The following ITPR1 variants were observed in gnomAD, a reference collection of about 807,000 sequenced individuals.
ITPR1 encodes the protein inositol 1,4,5-trisphosphate-gated calcium channel ITPR1.
Under a neutral mutation model 318.4 loss-of-function variants are expected in ITPR1, and 96 were observed. That is an observed-to-expected ratio of 0.30 (90% confidence interval 0.26 to 0.36). The LOEUF (loss-of-function observed/expected upper bound fraction) is 0.36. ITPR1 is among the 10% of genes least tolerant of loss of function. The pLI is 1.00. For synonymous variants in ITPR1, 1,312 were observed against 1,289.9 expected (o/e 1.02, Z -0.37); for missense variants, 2,440 against 3,460.2 (o/e 0.71, Z 7.40).
At chr3:4,822,784 C>A (rs1371140230) in intron 60 of ITPR1, among the ~76,000 whole-genome samples, 1 of 152,176 alleles carries the variant, frequency 6.6e-6, no homozygotes, top group African/African-American at 2.4e-5. Flanking sequence ...CCGCTCATTC[C>A]CCGAGATGCA....
chr3:4,601,760 G>A (rs1318116345), intron 4 of ITPR1, among the ~76,000 whole-genome samples: 1 of 152,180 alleles, frequency 6.6e-6, no homozygotes, highest in Non-Finnish European at 1.5e-5. Context: ...CTAGTGAAGA[G>A]ACAACTCATA....
intron 2 of ITPR1, among the ~76,000 whole-genome samples, chr3:4,507,901 C>A (rs1178907271): frequency 1.3e-5 from 2 of 152,148 alleles, no homozygotes; most frequent in African/African-American, 2.4e-5. Context: ...CTGTGCTAGC[C>A]AGCTTCACTG....
At chr3:4,669,560 T>C in intron 18 of ITPR1, 94 bp from the exon 19 acceptor site, 1 of 1,209,724 alleles carries the variant, frequency 8.3e-7, no homozygotes, top group Non-Finnish European at 1.1e-6. Context: ...TTGGTAAAGG[T>C]ATGTTGGACC....
At chr3:4,768,012 C>G (rs1204742915) in intron 45 of ITPR1, among the ~76,000 whole-genome samples, 1 of 152,196 alleles carries the variant, frequency 6.6e-6, no homozygotes, top group South Asian at 2.1e-4. Flanking sequence ...GTACTGCTAA[C>G]TGTAATGCCA....
chr3:4,578,161 G>C (rs1337761948), intron 4 of ITPR1, among the ~76,000 whole-genome samples: 3 of 152,212 alleles, frequency 2.0e-5, no homozygotes, highest in Non-Finnish European at 4.4e-5. Context: ...TTTAAAGGTT[G>C]TAAGTGAATA....
At chr3:4,841,522 G>T (rs905150121) in intron 61 of ITPR1, among the ~76,000 whole-genome samples, 3 of 152,186 alleles carry the variant, frequency 2.0e-5, no homozygotes, top group Non-Finnish European at 2.9e-5. Flanking sequence ...AGGTACTGGG[G>T]CTACAAAGAT....
At chr3:4,795,284 T>G in intron 53 of ITPR1, 97 bp downstream of exon 53, 1 of 1,147,460 alleles carries the variant, frequency 8.7e-7, no homozygotes, top group Admixed American at 2.8e-5. Context: ...GGTGCAGTAC[T>G]GGGGATCCCA....
intron 44 of ITPR1, among the ~76,000 whole-genome samples, chr3:4,742,746 A>C (rs1486661604): frequency 4.6e-5 from 7 of 152,204 alleles, no homozygotes; most frequent in Admixed American, 2.6e-4. Context: ...GGTGCGGACC[A>C]CCATGCTCGG....
At chr3:4,556,059 G>C (rs1486715715) in intron 4 of ITPR1, among the ~76,000 whole-genome samples, 1 of 151,968 alleles carries the variant, frequency 6.6e-6, no homozygotes, top group African/African-American at 2.4e-5. Context: ...CTATGTGATG[G>C]GTAGCATAGA....
At chr3:4,827,044 C>T (rs1176957990) in intron 60 of ITPR1, among the ~76,000 whole-genome samples, 1 of 152,228 alleles carries the variant, frequency 6.6e-6, no homozygotes, top group South Asian at 2.1e-4. Context: ...TTGGCTACTT[C>T]GTCCAACGAT....
At chr3:4,617,821 T>TA (rs1300286331) in intron 4 of ITPR1, among the ~76,000 whole-genome samples, 1 of 117,862 alleles carries the variant, frequency 8.5e-6, no homozygotes, top group Non-Finnish European at 1.8e-5. Context: ...TTATTTCTAT[T>TA]AAAAAATGCA....
At chr3:4,769,072 G>A (rs1053425663) in intron 46 of ITPR1, among the ~76,000 whole-genome samples, 5 of 151,912 alleles carry the variant, frequency 3.3e-5, no homozygotes, top group Non-Finnish European at 5.9e-5. Context: ...GCTAATTTTT[G>A]TATTTTTAGT....
chr3:4,717,931 C>T (rs549679504), intron 40 of ITPR1, among the ~76,000 whole-genome samples: 6 of 152,270 alleles, frequency 3.9e-5, no homozygotes, highest in African/African-American at 9.6e-5. Context: ...ACTTTCCATC[C>T]GCAGGCTCAC....
Position 4,735,309 on chromosome 3 carries a change from T to C in ITPR1, c.5499T>C (p.Ile1833=). 6.2e-7 allele frequency: 1 copy of C among 1,613,926 alleles called. No homozygotes were observed. Among genetic ancestry groups the C allele is most frequent in the Non-Finnish European group, 8.5e-7 (1 of 1,179,864 alleles). ...GTGACCGAGTGTTCCATGAAAGCAT[T>C]CTCCTGGCCATTGCCCTTCTGGAAG... The part of the protein sequence containing the change: ...ASSDRVFHES[I]LLAIALLEGG... Residue 1833 remains isoleucine, a synonymous_variant, in exon 44 of 62, where the codon ATT becomes ATC. Coordinates refer to ENST00000649015, the MANE Select transcript of ITPR1 (RefSeq NM_001378452.1).
chr3:4,778,434 G>A (rs2046616609), intron 48 of ITPR1, among the ~76,000 whole-genome samples: 2 of 152,180 alleles, frequency 1.3e-5, no homozygotes, highest in Admixed American at 6.5e-5. Context: ...ATTGCATGAA[G>A]GATGTCATAG....
chr3:4,638,132 A>C (rs2093245697), intron 5 of ITPR1, among the ~76,000 whole-genome samples: 1 of 152,102 alleles, frequency 6.6e-6, no homozygotes, highest in African/African-American at 2.4e-5. Flanking sequence ...ACTCTGTGAA[A>C]ATGAAGACAC....
intron 52 of ITPR1, among the ~76,000 whole-genome samples, chr3:4,790,713 CT>C (rs1172547959): frequency 6.6e-6 from 1 of 152,202 alleles, no homozygotes; most frequent in Non-Finnish European, 1.5e-5. Context: ...ATCATCTGTT[CT>C]TCAGTAAATC....
intron 4 of ITPR1, among the ~76,000 whole-genome samples, chr3:4,626,037 G>A (rs983747068): frequency 2.6e-5 from 4 of 152,100 alleles, no homozygotes; most frequent in African/African-American, 9.7e-5. Context: ...TACTTGAGAA[G>A]CTGAGGCAGG....
intron 4 of ITPR1, among the ~76,000 whole-genome samples, chr3:4,527,773 T>C (rs554986333): frequency 2.6e-5 from 4 of 152,192 alleles, no homozygotes; most frequent in Non-Finnish European, 5.9e-5. Context: ...GCCATGAACT[T>C]GAGGATCACA....
Sources: allele counts gnomAD v4.1 joint callset (sites outside exome capture counted in the v4.1 genomes callset), GRCh38; gene constraint gnomAD v4.1.1; transcripts MANE v1.5; gene names NCBI Gene and HGNC (gene_info 2026-07-23, HGNC 2026-07-21).